PCSK5: variants seen among roughly 807,000 people sequenced by gnomAD.
PCSK5 encodes prohormone convertase 5.
In PCSK5, 129 loss-of-function variants were observed where a neutral mutation model predicts 233.2. That is an observed-to-expected ratio of 0.55 (90% CI 0.48 to 0.64). PCSK5 has a LOEUF of 0.64. Ranked by LOEUF, PCSK5 falls within the 30% of genes least tolerant of loss-of-function variation. PCSK5 has a pLI of 0.00. For missense variants in PCSK5, 2,076 were observed against 2,430.1 expected (o/e 0.85, Z 3.06); for synonymous variants, 825 against 879.2 (o/e 0.94, Z 1.09).
At position 76,313,028 on chromosome 9, in the gene PCSK5, CA is replaced by C. The variant is rs141828251; in HGVS notation, c.3884+2178del. Among the ~76,000 whole-genome samples, 1,376 of 152,226 alleles carry C rather than the reference CA, an allele frequency of 9.0e-3. 17 individuals are homozygous for C. Among genetic ancestry groups the C allele is most frequent in the African/African-American group, 0.032 (1,322 of 41,526 alleles). On this transcript the variant is annotated intron_variant, in intron 30 of 37. Transcript: ENST00000674117. ...CTATTTTTTGAATGCTTGCAACGTC[CA>C]GGTATTGTGCTAAGGGCTGTAAATG...
At chr9:76,087,671 T>C (rs930591051) in intron 7 of PCSK5, among the ~76,000 whole-genome samples, 16 of 152,218 alleles carry the variant, frequency 1.1e-4, no homozygotes, top group African/African-American at 3.9e-4. Context: ...TGGATTTTCA[T>C]TTGTGAATGG....
chr9:76,089,304 T>G (rs1413393135), intron 7 of PCSK5, among the ~76,000 whole-genome samples: 1 of 152,108 alleles, frequency 6.6e-6, no homozygotes, highest in East Asian at 1.9e-4. Context: ...GAGGCGGTGC[T>G]TGCGAGACAT....
chr9:76,128,861 A>G (rs986673267), intron 9 of PCSK5, among the ~76,000 whole-genome samples: 2 of 152,204 alleles, frequency 1.3e-5, no homozygotes, highest in African/African-American at 4.8e-5. Context: ...ATTTTCCAAT[A>G]CCACAAACCA....
chr9:76,046,160 GTTTTT>G (rs71372041), intron 5 of PCSK5, among the ~76,000 whole-genome samples: 223 of 57,998 alleles, frequency 3.8e-3, no homozygotes, highest in African/African-American at 0.012. Context: ...TTTTTCTTTT[GTTTTT>G]TTTTTTTTTT....
At chr9:76,006,880 A>G (rs879744820) in intron 3 of PCSK5, among the ~76,000 whole-genome samples, 3 of 152,086 alleles carry the variant, frequency 2.0e-5, no homozygotes, top group African/African-American at 4.8e-5. Context: ...TTATTTATGT[A>G]TTTTTTGGTG....
intron 1 of PCSK5, among the ~76,000 whole-genome samples, chr9:75,904,482 G>A (rs1201834927): frequency 6.6e-6 from 1 of 152,124 alleles, no homozygotes; most frequent in Non-Finnish European, 1.5e-5. Context: ...CAAAATATCT[G>A]AGTAGACATT....
chr9:75,930,503 A>G (rs934955126), intron 1 of PCSK5, among the ~76,000 whole-genome samples: 1 of 152,146 alleles, frequency 6.6e-6, no homozygotes, highest in Non-Finnish European at 1.5e-5. Context: ...TATTATTCTG[A>G]TTTACTTTTA....
rs376534939 is a variant in PCSK5 at position 76,159,136 on chromosome 9, G to C, written c.1584G>C (p.Ser528=). ...GAGACCTGGCCATCTACCTGACCTCGCCCTCTGGAACTAGGTCTCAGCTTT... is the reference window on the plus strand; with the variant it reads ...GAGACCTGGCCATCTACCTGACCTCCCCCTCTGGAACTAGGTCTCAGCTTT... ...RRGDLAIYLT[S]PSGTRSQLLA... Residue 528 remains serine, a synonymous_variant, in exon 12 of 38, where the codon TCG becomes TCC. Coordinates refer to ENST00000674117, the MANE Select transcript of PCSK5 (RefSeq NM_001372043.1). 2 of 1,614,070 alleles carry C rather than the reference G, an allele frequency of 1.2e-6. No individual in the cohort carries two copies. The highest frequency in any genetic ancestry group is 1.7e-6 in the Non-Finnish European group (2 of 1,180,000).
chr9:76,272,130 C>T (rs1283606955), intron 24 of PCSK5, among the ~76,000 whole-genome samples: 8 of 152,168 alleles, frequency 5.3e-5, no homozygotes, highest in Admixed American at 3.3e-4. Flanking sequence ...TGAGTGTGTA[C>T]GTAGAGTACA....
chr9:76,175,885 C>T (rs1347082805), intron 14 of PCSK5, among the ~76,000 whole-genome samples: 3 of 152,148 alleles, frequency 2.0e-5, no homozygotes, highest in Admixed American at 6.5e-5. Context: ...ATCCATTTTT[C>T]TATTCGAAGT....
intron 35 of PCSK5, among the ~76,000 whole-genome samples, chr9:76,340,639 C>CGA (rs1320548451): frequency 1.0e-5 from 1 of 95,388 alleles, no homozygotes; most frequent in South Asian, 3.8e-4. Flanking sequence ...ACGAGACTGT[C>CGA]AAAAAAAAAA....
intron 1 of PCSK5, among the ~76,000 whole-genome samples, chr9:75,892,372 A>T (rs1437939394): frequency 6.6e-6 from 1 of 152,182 alleles, no homozygotes; most frequent in African/African-American, 2.4e-5. Context: ...AGAGAGGGCT[A>T]TGAAAGTGGG....
chr9:76,233,951 A>G (rs1385590446), intron 22 of PCSK5, among the ~76,000 whole-genome samples: 1 of 152,070 alleles, frequency 6.6e-6, no homozygotes, highest in Non-Finnish European at 1.5e-5. Context: ...TAAGAAAGAC[A>G]CGTTCTGTCT....
intron 7 of PCSK5, among the ~76,000 whole-genome samples, chr9:76,083,785 T>C (rs1266458428): frequency 2.0e-5 from 3 of 152,214 alleles, no homozygotes; most frequent in African/African-American, 7.2e-5. Context: ...TCCCCACCCT[T>C]AAATTAAAGA....
At chr9:76,057,941 A>G (rs926325994) in intron 5 of PCSK5, among the ~76,000 whole-genome samples, 13 of 150,078 alleles carry the variant, frequency 8.7e-5, no homozygotes, top group African/African-American at 3.2e-4. Context: ...GGCTCAAGCA[A>G]TCCTCCAGCC....
At chr9:76,268,089 A>G (rs992339922) in intron 24 of PCSK5, among the ~76,000 whole-genome samples, 1 of 152,232 alleles carries the variant, frequency 6.6e-6, no homozygotes, top group African/African-American at 2.4e-5. Flanking sequence ...TTGGTGGGAC[A>G]GCAAATAATG....
intron 35 of PCSK5, among the ~76,000 whole-genome samples, chr9:76,340,028 A>G (rs1829785388): frequency 6.6e-6 from 1 of 152,096 alleles, no homozygotes; most frequent in South Asian, 2.1e-4. Flanking sequence ...CTCTCAACTT[A>G]AAGATTCAGC....
At chr9:76,147,550 A>G (rs1823489702) in intron 10 of PCSK5, among the ~76,000 whole-genome samples, 1 of 151,896 alleles carries the variant, frequency 6.6e-6, no homozygotes, top group Non-Finnish European at 1.5e-5. Flanking sequence ...AGAAATTCAC[A>G]TTCTGGGCCT....
intron 3 of PCSK5, among the ~76,000 whole-genome samples, chr9:76,010,137 C>T (rs1827670202): frequency 6.6e-6 from 1 of 152,144 alleles, no homozygotes; most frequent in Admixed American, 6.6e-5. Flanking sequence ...GGAGCTGTGG[C>T]AGTTATCTTG....
Sources: allele counts gnomAD v4.1 joint callset (sites outside exome capture counted in the v4.1 genomes callset), GRCh38; gene constraint gnomAD v4.1.1; transcripts MANE v1.5; gene names NCBI Gene and HGNC (gene_info 2026-07-23, HGNC 2026-07-21).